The following P2RY8 variants were observed in gnomAD, a reference collection of about 807,000 sequenced individuals.
P2RY8 encodes S-geranylgeranyl-glutathione receptor P2RY8.
In P2RY8, 6 loss-of-function variants were observed where a neutral mutation model predicts 10.0. The observed-to-expected ratio is 0.60, with a 90% CI of 0.33 to 1.19. The LOEUF is 1.19. P2RY8 is among the 50% of genes most tolerant of loss of function. P2RY8 has a pLI of 0.04. For synonymous variants in P2RY8, 276 were observed against 252.5 expected, an observed-to-expected ratio of 1.09 and a Z score of -0.88; for missense variants, 456 against 542.0, an observed-to-expected ratio of 0.84 and a Z score of 1.58.
chrX:1,500,179 T>C (rs2092163769), intron 1 of P2RY8, among the ~76,000 whole-genome samples: 4 of 152,000 alleles, frequency 2.6e-5, no homozygotes, highest in African/African-American at 9.7e-5. Context: ...TTTAATGTTT[T>C]TTTTTAGTTT....
chrX:1,462,804 A>G lies in P2RY8; in HGVS notation c.*2675T>C, dbSNP rs2091601968. 8.6e-6 allele frequency: 2 copies of G among 232,826 alleles called. No individual in the cohort carries two copies. The highest frequency in any genetic ancestry group is 5.6e-5 in the Admixed American group (1 of 17,736). 14.4% of individuals were successfully genotyped at this position (232,826 alleles called of 1,614,324 possible). ...CTCTCCATGTCCTGCCAAGAACAGAAGTAAAGTTTTCCATCTTAAAACATG... is the reference window on the plus strand; with the variant it reads ...CTCTCCATGTCCTGCCAAGAACAGAGGTAAAGTTTTCCATCTTAAAACATG... On this transcript the variant is annotated 3_prime_UTR_variant, in exon 2 of 2. Transcript: ENST00000381297.
chrX:1,465,547 C>A lies in P2RY8; in HGVS notation c.1012G>T (p.Gly338Cys). Residue 338 changes from glycine to cysteine, a missense_variant, in exon 2 of 2, where the codon GGT (glycine) becomes TGT (cysteine). By Grantham distance (159) the Gly-to-Cys change is radical. Coordinates refer to ENST00000381297, the MANE Select transcript of P2RY8 (RefSeq NM_178129.5). The stretch of plus-strand genomic sequence containing the variant: ...CCCTCCATCCCTTCAGGGTGCGCAC[C>A]GGCCTCGGAGCGCACGGACGTGGTC... Reference protein sequence around the residue: ...ARTTSVRSEAGAHPEGMEGAT... With the variant: ...ARTTSVRSEACAHPEGMEGAT... The A allele has an allele frequency of 6.2e-7, 1 of 1,612,218 alleles. No homozygotes were observed. Among genetic ancestry groups the A allele is most frequent in the Non-Finnish European group, 8.5e-7 (1 of 1,179,724 alleles).
chrX:1,512,793 A>C (rs1247693276), intron 1 of P2RY8, among the ~76,000 whole-genome samples: 2 of 152,102 alleles, frequency 1.3e-5, no homozygotes, highest in African/African-American at 4.8e-5. Context: ...AACTGCCCAT[A>C]AAGTTCAATT....
chrX:1,468,652 T>C (rs1157358045), intron 1 of P2RY8, among the ~76,000 whole-genome samples: 2 of 151,528 alleles, frequency 1.3e-5, no homozygotes, highest in African/African-American at 4.9e-5. Context: ...TGTCCAGAAA[T>C]TTCTGGGCAC....
chrX:1,470,626 T>A (rs2091772570), intron 1 of P2RY8, among the ~76,000 whole-genome samples: 1 of 152,126 alleles, frequency 6.6e-6, no homozygotes, highest in Non-Finnish European at 1.5e-5. Flanking sequence ...TGGATCTGCC[T>A]ATTCTAGATA....
chrX:1,465,322 T>C lies in P2RY8; in HGVS notation c.*157A>G, dbSNP rs1209837768. The C allele has an allele frequency of 3.4e-5, 42 of 1,252,064 alleles. No individual in the cohort carries two copies. Among genetic ancestry groups the C allele is most frequent in the Non-Finnish European group, 3.2e-5 (30 of 925,098 alleles). 77.6% of individuals were successfully genotyped at this position (1,252,064 alleles called of 1,614,324 possible). Reference sequence around the variant, plus strand: ...TCCTCACCGGTGCCTCTGCAGTGCCTGGGAGGAATAAAGCCTGGAGACCCT... The same window carrying C: ...TCCTCACCGGTGCCTCTGCAGTGCCCGGGAGGAATAAAGCCTGGAGACCCT... On this transcript the variant is annotated 3_prime_UTR_variant, in exon 2 of 2. Coordinates refer to ENST00000381297, the MANE Select transcript of P2RY8 (RefSeq NM_178129.5).
intron 1 of P2RY8, among the ~76,000 whole-genome samples, chrX:1,506,650 C>A (rs1265225429): frequency 2.0e-5 from 3 of 151,394 alleles, no homozygotes; most frequent in Non-Finnish European, 4.4e-5. Context: ...ACATTTTGGA[C>A]GTTTGTCACT....
At chrX:1,508,077 G>C (rs2092252047) in intron 1 of P2RY8, among the ~76,000 whole-genome samples, 2 of 152,162 alleles carry the variant, frequency 1.3e-5, no homozygotes, top group African/African-American at 4.8e-5. Context: ...CGCCCTGTGG[G>C]TTTGGGGGAA....
intron 1 of P2RY8, among the ~76,000 whole-genome samples, chrX:1,469,532 C>G (rs1412212495): frequency 7.2e-5 from 11 of 152,050 alleles, no homozygotes; most frequent in Non-Finnish European, 1.5e-4. Context: ...ATGCATCCAG[C>G]AATGTTTCTC....
rs1191989892 is a variant in P2RY8, at chrX:1,464,942, C to T, written c.*537G>A. 4.2e-6 allele frequency: 1 copy of T among 235,896 alleles called. No homozygotes were observed. Among genetic ancestry groups the T allele is most frequent in the African/African-American group, 2.2e-5 (1 of 45,342 alleles). 14.6% of individuals were successfully genotyped at this position (235,896 alleles called of 1,614,324 possible). A position where few individuals can be genotyped will look rare whatever the true frequency, so the allele number is the denominator to read the frequency against. On this transcript the variant is annotated 3_prime_UTR_variant, in exon 2 of 2. Coordinates refer to ENST00000381297, the MANE Select transcript of P2RY8 (RefSeq NM_178129.5). ...TGCACCGGGCTACGGAGACCAGAAC[C>T]CCTGGAGGAGAATGGAGAAGGCCAG...
intron 1 of P2RY8, among the ~76,000 whole-genome samples, chrX:1,502,089 T>G (rs1215077236): frequency 6.6e-6 from 1 of 151,964 alleles, no homozygotes; most frequent in Non-Finnish European, 1.5e-5. Flanking sequence ...TTTTGTATTA[T>G]TAGTAGACAC....
At chrX:1,524,450 TATCC>T (rs1303287053) in intron 1 of P2RY8, among the ~76,000 whole-genome samples, 317 of 28,032 alleles carry the variant, frequency 0.011, 11 homozygotes, top group Middle Eastern at 0.025. Flanking sequence ...TTCATCCATC[TATCC>T]ATCCATCCAT....
At chrX:1,508,154 T>C (rs1167235505) in intron 1 of P2RY8, among the ~76,000 whole-genome samples, 1 of 152,184 alleles carries the variant, frequency 6.6e-6, no homozygotes, top group African/African-American at 2.4e-5. Context: ...GTTCTGGCAG[T>C]ATTGCTGAGT....
In P2RY8 at chrX:1,518,316, C is replaced by T. The variant is rs180700749; in HGVS notation, c.-25+18605G>A. Among the ~76,000 whole-genome samples the T allele has an allele frequency of 8.2e-4, 124 of 150,532 alleles. 1 individual carries two copies. The East Asian group carries it at 0.023, about 28-fold the overall frequency. Reference sequence around the variant, plus strand: ...TGGCAGGTGCCTGCAATCCCAGCTACTCGGGAGGCTGAGGCAGGAGAATGG... The same window carrying T: ...TGGCAGGTGCCTGCAATCCCAGCTATTCGGGAGGCTGAGGCAGGAGAATGG... On this transcript the variant is annotated intron_variant, in intron 1 of 1. Transcript: ENST00000381297.
chrX:1,483,265 G>A lies in P2RY8; in HGVS notation c.-24-16683C>T, dbSNP rs529463161. Among the ~76,000 whole-genome samples the A allele has an allele frequency of 9.2e-5, 14 of 152,208 alleles. No individual in the cohort carries two copies. The South Asian group carries it at 2.5e-3, about 27-fold the overall frequency. Reference sequence around the variant, plus strand: ...GAGAAAGATCCCTGGAGAAGAAACCGAGACGGTCTCAACTACCTTGTTCCT... The same window carrying A: ...GAGAAAGATCCCTGGAGAAGAAACCAAGACGGTCTCAACTACCTTGTTCCT... On this transcript the variant is annotated intron_variant, in intron 1 of 1. Transcript: ENST00000381297.
At chrX:1,491,323 A>G (rs1295400612) in intron 1 of P2RY8, among the ~76,000 whole-genome samples, 3 of 152,264 alleles carry the variant, frequency 2.0e-5, no homozygotes, top group Non-Finnish European at 4.4e-5. Context: ...GGGGGGAATT[A>G]ATGAATGACA....
In P2RY8 at chrX:1,473,754, G is replaced by C. The variant is rs184346962; in HGVS notation, c.-24-7172C>G. Among the ~76,000 whole-genome samples the C allele has an allele frequency of 3.1e-4, 45 of 143,980 alleles. No homozygotes were observed. In the East Asian group the frequency reaches 9.6e-3, roughly 31 times the overall value. The allele number at this position is 143,980 out of a possible 152,430, so 94.5% of individuals were successfully genotyped here. A position where few individuals can be genotyped will look rare whatever the true frequency, so the allele number is the denominator to read the frequency against. Reference sequence around the variant, plus strand: ...TGGGTGGGTGGATGGATGATGAATGGATGGGGATGGGTAGATGGATGGGTG... The same window carrying C: ...TGGGTGGGTGGATGGATGATGAATGCATGGGGATGGGTAGATGGATGGGTG... On this transcript the variant is annotated intron_variant, in intron 1 of 1. Coordinates refer to ENST00000381297, the MANE Select transcript of P2RY8 (RefSeq NM_178129.5).
At chrX:1,514,726 CCCTTCCTTCCCTT>C (rs2092329508) in intron 1 of P2RY8, among the ~76,000 whole-genome samples, 3 of 3,490 alleles carry the variant, frequency 8.6e-4, no homozygotes, top group Non-Finnish European at 1.7e-3. Flanking sequence ...CCCTTCCCTT[CCCTTCCTTCCCTT>C]CCTTCCCTTC....
rs754871698 is a variant in P2RY8, at chrX:1,535,315, G to A, written c.-25+1606C>T. 5.4e-5 allele frequency among the ~76,000 whole-genome samples: 8 copies of A among 149,236 alleles called. No individual in the cohort carries two copies. In the East Asian group the frequency reaches 1.6e-3, roughly 30 times the overall value. ...TGATTCTGCTGCCTTAGCGTGCCGA[G>A]TAACTGGGATGACAGGTGCCCGCCG... On this transcript the variant is annotated intron_variant, in intron 1 of 1. Coordinates refer to ENST00000381297, the MANE Select transcript of P2RY8 (RefSeq NM_178129.5).
Sources: allele counts gnomAD v4.1 joint callset (sites outside exome capture counted in the v4.1 genomes callset), GRCh38; gene constraint gnomAD v4.1.1; transcripts MANE v1.5; gene names NCBI Gene and HGNC (gene_info 2026-07-23, HGNC 2026-07-21).